Variants in NEBL observed in about 807,000 individuals in gnomAD.
NEBL encodes LIM and SH3 protein 2.
A neutral mutation model predicts 140.2 loss-of-function variants in NEBL; 122 were observed. That is an observed-to-expected ratio of 0.87 (90% confidence interval 0.75 to 1.01). The LOEUF (loss-of-function observed/expected upper bound fraction) is 1.01, where lower values mean the gene tolerates loss of function less well. Ranked by LOEUF, NEBL falls within the 50% of genes least tolerant of loss-of-function variation. The probability of loss-of-function intolerance (pLI) is 0.00; values close to 1 mark genes in which losing one functional copy is unlikely to be tolerated. For synonymous variants in NEBL, 436 were observed against 398.9 expected (o/e 1.09, Z -1.11); for missense variants, 1,365 against 1,231.3 (o/e 1.11, Z -1.62).
At position 20,831,249 on chromosome 10, in the gene NEBL, TG is replaced by T. The variant is rs727504917; in HGVS notation, c.1617del (p.Ser539ArgfsTer36). ...NEIKGKGMQV[S>X]MDIPDILRAK... The stretch of plus-strand genomic sequence containing the variant: ...GCTCGAAGGATATCTGGGATATCCA[TG>T]CTCACTTGCATTCCTTTCCCTTTAA... On this transcript the variant is annotated frameshift_variant, in exon 16 of 28. Transcript: ENST00000377122. LOFTEE classifies it high-confidence loss of function. The T allele has an allele frequency of 6.2e-7, 1 of 1,613,654 alleles. No homozygotes were observed. Among genetic ancestry groups the T allele is most frequent in the African/African-American group, 1.3e-5 (1 of 74,924 alleles).
intron 3 of NEBL, among the ~76,000 whole-genome samples, chr10:21,014,720 GA>G (rs1280595530): frequency 6.6e-6 from 1 of 152,172 alleles, no homozygotes; most frequent in East Asian, 1.9e-4. Flanking sequence ...AGAAGGTTCA[GA>G]AATGTGCCAA....
chr10:21,182,435 C>T (rs1359756446), intron 3 of NEBL, among the ~76,000 whole-genome samples: 3 of 152,138 alleles, frequency 2.0e-5, no homozygotes, highest in Non-Finnish European at 1.5e-5. Context: ...ATTATCGTGC[C>T]ACTGCACTCC....
At chr10:20,892,192 G>T (rs1847089138) in intron 2 of NEBL, among the ~76,000 whole-genome samples, 2 of 152,210 alleles carry the variant, frequency 1.3e-5, no homozygotes, top group East Asian at 3.8e-4. Flanking sequence ...AACCAGGCAT[G>T]GTCATGCCAT....
intron 2 of NEBL, among the ~76,000 whole-genome samples, chr10:21,060,086 C>A (rs1835206512): frequency 6.6e-6 from 1 of 152,164 alleles, no homozygotes; most frequent in African/African-American, 2.4e-5. Context: ...AATGCCCGGT[C>A]ATCTAAAAAA....
chr10:20,795,784 C>T (rs1588617436), intron 26 of NEBL, among the ~76,000 whole-genome samples: 1 of 152,112 alleles, frequency 6.6e-6, no homozygotes, highest in East Asian at 1.9e-4. Context: ...GTGTACAACG[C>T]TGCCTGAAAA....
At chr10:21,051,105 GCA>G (rs1834759199) in intron 2 of NEBL, among the ~76,000 whole-genome samples, 1 of 152,064 alleles carries the variant, frequency 6.6e-6, no homozygotes, top group Admixed American at 6.5e-5. Flanking sequence ...ATAGAATAAA[GCA>G]CCATCCCTGA....
chr10:21,175,579 T>C (rs1004258395), upstream of NEBL, among the ~76,000 whole-genome samples: 2 of 152,244 alleles, frequency 1.3e-5, no homozygotes, highest in Admixed American at 1.3e-4. Context: ...GCTGCACTGA[T>C]GGACATATTC....
At chr10:21,180,109 A>T (rs998185144) in intron 3 of NEBL, among the ~76,000 whole-genome samples, 1 of 151,984 alleles carries the variant, frequency 6.6e-6, no homozygotes, top group Non-Finnish European at 1.5e-5. Flanking sequence ...TGTACTTCAG[A>T]CTGGGTAACA....
rs181076148 is a variant in NEBL at position 20,854,686 on chromosome 10, T to G, written c.904-2037A>C. ...CTCAAGCAATCTTCCCATCTTAGCC[T>G]CCCAAGTAGCTGGGGCTATAGGTGC... On this transcript the variant is annotated intron_variant, in intron 9 of 27. Coordinates refer to ENST00000377122, the MANE Select transcript of NEBL (RefSeq NM_006393.3). Among the ~76,000 whole-genome samples, 225 of 145,338 alleles carry G rather than the reference T, an allele frequency of 1.5e-3. 1 individual carries two copies. The highest frequency in any genetic ancestry group is 5.4e-3 in the African/African-American group (211 of 39,074).
At chr10:20,833,193 A>T (rs931083101) in intron 14 of NEBL, among the ~76,000 whole-genome samples, 7 of 152,222 alleles carry the variant, frequency 4.6e-5, no homozygotes, top group African/African-American at 1.4e-4. Context: ...GGCGGCATCT[A>T]CATTCCAAGA....
intron 2 of NEBL, among the ~76,000 whole-genome samples, chr10:21,149,832 A>G (rs900189116): frequency 1.3e-5 from 2 of 152,178 alleles, no homozygotes; most frequent in Non-Finnish European, 2.9e-5. Flanking sequence ...CCAGGTAGAT[A>G]GGGTTGGAAT....
intron 4 of NEBL, among the ~76,000 whole-genome samples, chr10:20,954,507 C>G (rs190276518): frequency 6.6e-6 from 1 of 152,250 alleles, no homozygotes; most frequent in Admixed American, 6.5e-5. Context: ...CTTAGTTCAG[C>G]TAAAGATGGG....
intron 2 of NEBL, among the ~76,000 whole-genome samples, chr10:21,144,781 C>T (rs1839813732): frequency 6.6e-6 from 1 of 151,990 alleles, no homozygotes; most frequent in Non-Finnish European, 1.5e-5. Flanking sequence ...CAGGTTCCAA[C>T]CCAAGCCCCA....
In NEBL at chr10:21,153,133, C is replaced by T. The variant is rs151321114; in HGVS notation, c.164+19250G>A. 7.6e-3 allele frequency among the ~76,000 whole-genome samples: 1,154 copies of T among 152,278 alleles called. 4 individuals carry two copies. The highest frequency in any genetic ancestry group is 0.012 in the Non-Finnish European group (850 of 68,024). On this transcript the variant is annotated intron_variant, in intron 2 of 6. Coordinates refer to the NEBL transcript ENST00000417816. ...GGGTCAGGCAGTTTATATGCATTAT[C>T]TCATGTAAACCTCTCAACAACTCTT... is the stretch of plus-strand genomic sequence containing the variant.
At chr10:20,809,672 T>C (rs1837936630) in intron 25 of NEBL, 134 bp downstream of exon 25, 2 of 703,656 alleles carry the variant, frequency 2.8e-6, no homozygotes, top group Non-Finnish European at 5.0e-6. Context: ...AAAAGTAGCA[T>C]AGCATTTTTT....
intron 2 of NEBL, among the ~76,000 whole-genome samples, chr10:21,034,964 T>G (rs1374593072): frequency 6.6e-6 from 1 of 150,544 alleles, no homozygotes; most frequent in African/African-American, 2.4e-5. Context: ...ATTTATTTAT[T>G]TATTTATTTA....
chr10:21,204,966 G>A (rs1841803070), intron 3 of NEBL, among the ~76,000 whole-genome samples: 1 of 152,154 alleles, frequency 6.6e-6, no homozygotes, highest in Admixed American at 6.5e-5. Flanking sequence ...CCTTGCACCA[G>A]GGTCCTGCCC....
intron 2 of NEBL, among the ~76,000 whole-genome samples, chr10:21,132,944 T>C (rs1341058122): frequency 6.6e-6 from 1 of 152,234 alleles, no homozygotes; most frequent in Non-Finnish European, 1.5e-5. Flanking sequence ...TTACACTTTC[T>C]TGAGAGTGTC....
intron 2 of NEBL, among the ~76,000 whole-genome samples, chr10:21,108,780 T>C (rs1443688429): frequency 6.6e-6 from 1 of 152,164 alleles, no homozygotes; most frequent in Non-Finnish European, 1.5e-5. Context: ...TTTCCCATTA[T>C]TATTGTGTGG....
Sources: gnomAD v4.1 joint callset for allele counts (sites outside exome capture counted in the v4.1 genomes callset) on GRCh38, gnomAD v4.1.1 for gene constraint, MANE v1.5 for transcripts, NCBI Gene and HGNC (gene_info 2026-07-23, HGNC 2026-07-21) for gene names.